The following PDGFRL variants were observed in gnomAD, a reference collection of about 807,000 sequenced individuals.
The protein encoded by PDGFRL is platelet derived growth factor receptor like, also known as platelet-derived growth factor receptor-like protein.
Under a neutral mutation model 37.2 loss-of-function variants are expected in PDGFRL, and 46 were observed. The ratio of observed to expected loss-of-function variants is 1.24; its 90% confidence interval spans 0.98 to 1.58. The LOEUF (loss-of-function observed/expected upper bound fraction) is 1.58. Among genes scored for constraint, PDGFRL ranks in the 40% most tolerant of loss-of-function variants. The pLI is 0.00. For synonymous variants in PDGFRL, 251 were observed against 184.3 expected, an observed-to-expected ratio of 1.36 and a Z score of -2.93; for missense variants, 692 against 467.6, an observed-to-expected ratio of 1.48 and a Z score of -4.43.
chr8:17,642,166 G>A (rs901957474), intron 5 of PDGFRL, among the ~76,000 whole-genome samples: 3 of 152,084 alleles, frequency 2.0e-5, no homozygotes, highest in East Asian at 3.9e-4. Context: ...GCAATTGGGA[G>A]CTCTTAGTCA....
rs562937865 is a variant in PDGFRL, at chr8:17,642,935, C to T, written c.*134C>T. 15 of 606,042 alleles carry T rather than the reference C, an allele frequency of 2.5e-5. No homozygotes were observed. Among genetic ancestry groups the T allele is most frequent in the East Asian group, 8.5e-5 (3 of 35,428 alleles). The allele number at this position is 606,042 out of a possible 1,614,324, so 37.5% of individuals were successfully genotyped here. A position where few individuals can be genotyped will look rare whatever the true frequency, so the allele number is the denominator to read the frequency against. On this transcript the variant is annotated 3_prime_UTR_variant, in exon 6 of 6. Coordinates refer to ENST00000251630, the MANE Select transcript of PDGFRL (RefSeq NM_001372073.1). ...CCCCAACCCCAGCGTCTCGTGAGTCCGACCCAGACATCCAAACTAAAAGGA... is the reference window on the plus strand; with the variant it reads ...CCCCAACCCCAGCGTCTCGTGAGTCTGACCCAGACATCCAAACTAAAAGGA...
At chr8:17,615,380 T>C (rs1342526270) in intron 2 of PDGFRL, among the ~76,000 whole-genome samples, 3 of 152,112 alleles carry the variant, frequency 2.0e-5, no homozygotes, top group South Asian at 4.1e-4. Flanking sequence ...CATCACTCAG[T>C]CAAAATTGCT....
At chr8:17,592,774 A>C (rs535144985) in intron 2 of PDGFRL, among the ~76,000 whole-genome samples, 1 of 152,206 alleles carries the variant, frequency 6.6e-6, no homozygotes, top group Admixed American at 6.5e-5. Flanking sequence ...AGCTCTCTTC[A>C]CACTGAAAAC....
At chr8:17,603,726 C>T (rs1406154086) in intron 2 of PDGFRL, among the ~76,000 whole-genome samples, 1 of 152,096 alleles carries the variant, frequency 6.6e-6, no homozygotes, top group African/African-American at 2.4e-5. Context: ...CTCTATATCC[C>T]ATAGATCTTT....
chr8:17,632,887 G>A (rs1053002008), intron 4 of PDGFRL, among the ~76,000 whole-genome samples: 17 of 152,218 alleles, frequency 1.1e-4, no homozygotes, highest in South Asian at 2.1e-4. Flanking sequence ...TCTGAAGCTC[G>A]GCCTTGAGAT....
At chr8:17,600,798 T>C (rs181412659) in intron 2 of PDGFRL, among the ~76,000 whole-genome samples, 50 of 132,146 alleles carry the variant, frequency 3.8e-4, no homozygotes, top group African/African-American at 1.6e-3. Context: ...CAAGACCCCA[T>C]CTCTAAAAAA....
chr8:17,613,428 G>A (rs1804461797), intron 2 of PDGFRL, among the ~76,000 whole-genome samples: 1 of 152,200 alleles, frequency 6.6e-6, no homozygotes, highest in South Asian at 2.1e-4. Flanking sequence ...GAAATGAAAA[G>A]GGAAGGGGGA....
chr8:17,586,802 C>G (rs3911908), intron 1 of PDGFRL, among the ~76,000 whole-genome samples: 24,306 of 152,140 alleles, frequency 0.16, 2,418 homozygotes, highest in Non-Finnish European at 0.23. Context: ...GATGAGAAAA[C>G]TGAAACAGAA....
chr8:17,608,400 T>G (rs540895319), intron 2 of PDGFRL, among the ~76,000 whole-genome samples: 3 of 152,322 alleles, frequency 2.0e-5, no homozygotes, highest in Non-Finnish European at 4.4e-5. Flanking sequence ...CAACCAACAT[T>G]GATACAAGTG....
intron 2 of PDGFRL, among the ~76,000 whole-genome samples, chr8:17,614,731 G>A (rs185329117): frequency 2.3e-4 from 35 of 152,236 alleles, no homozygotes; most frequent in Admixed American, 2.1e-3. Context: ...GGCTGGCATC[G>A]TGACATCCAG....
chr8:17,600,307 C>T (rs1446676360), intron 2 of PDGFRL, among the ~76,000 whole-genome samples: 1 of 152,120 alleles, frequency 6.6e-6, no homozygotes, highest in Non-Finnish European at 1.5e-5. Context: ...CTGTGTCCTT[C>T]TGGTTTTCTC....
chr8:17,586,736 C>T (rs1585299237), intron 1 of PDGFRL, among the ~76,000 whole-genome samples: 1 of 152,172 alleles, frequency 6.6e-6, no homozygotes, highest in Admixed American at 6.5e-5. Context: ...TTAACTCCCA[C>T]AGTAATTATT....
In PDGFRL at chr8:17,595,250, C is replaced by G. The variant is rs1804027036; in HGVS notation, c.353+5485C>G. 2.6e-5 allele frequency among the ~76,000 whole-genome samples: 4 copies of G among 152,258 alleles called. No homozygotes were observed. In the South Asian group the frequency reaches 8.3e-4, roughly 32 times the overall value. On this transcript the variant is annotated intron_variant, in intron 2 of 5. Transcript: ENST00000251630. ...AAATGCCAGAGGGAGCCTCCTTGCC[C>G]TCCCTCCCTGCCCACCATCCCCTCA... is the stretch of plus-strand genomic sequence containing the variant.
chr8:17,628,201 A>G (rs1041392751), intron 3 of PDGFRL, among the ~76,000 whole-genome samples: 1 of 151,116 alleles, frequency 6.6e-6, no homozygotes, highest in Non-Finnish European at 1.5e-5. Flanking sequence ...TCACCGTGTT[A>G]GCCAGGATGG....
At chr8:17,638,888 T>C (rs1805036055) in intron 5 of PDGFRL, among the ~76,000 whole-genome samples, 2 of 150,960 alleles carry the variant, frequency 1.3e-5, no homozygotes, top group African/African-American at 4.9e-5. Context: ...CTGTCTGATA[T>C]AAGAACAGCT....
chr8:17,619,638 T>C (rs1585323882), intron 2 of PDGFRL, among the ~76,000 whole-genome samples: 1 of 152,232 alleles, frequency 6.6e-6, no homozygotes, highest in African/African-American at 2.4e-5. Flanking sequence ...TAATGTAGCA[T>C]GTGTAAGATT....
intron 1 of PDGFRL, 88 bp downstream of exon 1, chr8:17,577,395 G>T (rs1015289225): frequency 2.6e-6 from 3 of 1,163,682 alleles, no homozygotes; most frequent in Non-Finnish European, 2.5e-6. Context: ...GCCAGCTCTT[G>T]GTCTAACGTT....
intron 1 of PDGFRL, among the ~76,000 whole-genome samples, chr8:17,580,856 C>G (rs761170562): frequency 6.6e-6 from 1 of 152,042 alleles, no homozygotes; most frequent in Non-Finnish European, 1.5e-5. Context: ...TCAGCAACCC[C>G]TTGGCATTTT....
chr8:17,608,938 G>A (rs574318077), intron 2 of PDGFRL, among the ~76,000 whole-genome samples: 1 of 152,312 alleles, frequency 6.6e-6, no homozygotes, highest in East Asian at 1.9e-4. Context: ...CCAAGGAGGG[G>A]CCAGGCAAGG....
Sources: allele counts gnomAD v4.1 joint callset (sites outside exome capture counted in the v4.1 genomes callset), GRCh38; gene constraint gnomAD v4.1.1; transcripts MANE v1.5; gene names NCBI Gene and HGNC (gene_info 2026-07-23, HGNC 2026-07-21).